The following PRKCSH variants were observed in gnomAD, a reference collection of about 807,000 sequenced individuals.
PRKCSH encodes PRKCSH beta subunit of glucosidase II.
PRKCSH carries 42 observed loss-of-function variants against 79.7 expected under a neutral mutation model. That is an observed-to-expected ratio of 0.53 (90% CI 0.41 to 0.68). The LOEUF is 0.68. Among genes scored for constraint, PRKCSH ranks in the 30% least tolerant of loss-of-function variants. The pLI is 0.00. For synonymous variants in PRKCSH, 325 were observed against 288.2 expected (o/e 1.13, Z -1.29); for missense variants, 686 against 709.0 (o/e 0.97, Z 0.37).
chr19:11,446,268 G>A lies in PRKCSH; in HGVS notation c.684-4G>A, dbSNP rs781248424. On this transcript the variant is annotated splice_region_variant and splice_polypyrimidine_tract_variant and intron_variant, in intron 8 of 17. Transcript: ENST00000677123. Reference sequence around the variant, plus strand: ...TCCAGTCTGCTTCTGCCACGCCCCCGCAGGGTCTCGGTGACTGAGCTGCAG... The same window carrying A: ...TCCAGTCTGCTTCTGCCACGCCCCCACAGGGTCTCGGTGACTGAGCTGCAG... The A allele has an allele frequency of 5.0e-6, 8 of 1,613,158 alleles. No homozygotes were observed. Among genetic ancestry groups the A allele is most frequent in the East Asian group, 4.5e-5 (2 of 44,880 alleles).
intron 5 of PRKCSH, among the ~76,000 whole-genome samples, chr19:11,438,874 C>T (rs1314142190): frequency 6.6e-6 from 1 of 151,506 alleles, no homozygotes; most frequent in African/African-American, 2.4e-5. Context: ...GCCAGCTGAT[C>T]CTTTTGTAGT....
chr19:11,437,534 G>A (rs775759793), intron 3 of PRKCSH, among the ~76,000 whole-genome samples: 3 of 151,182 alleles, frequency 2.0e-5, no homozygotes, highest in Non-Finnish European at 4.4e-5. Context: ...CGTATTTTTA[G>A]TAGAGATGGA....
Position 11,436,492 on chromosome 19 carries a change from C to T in PRKCSH, c.183C>T (p.Gly61=), listed in dbSNP as rs757538346. 6.2e-7 allele frequency: 1 copy of T among 1,613,006 alleles called. No individual in the cohort carries two copies. The change falls in exon 3 of 18, where the codon GGC becomes GGT. Residue 61 remains glycine (G), a synonymous_variant. Transcript: ENST00000677123. ...VNDDYCDCKD[G]SDEPGTAACP... is the part of the protein sequence containing the mutation. ...ATGACTATTGCGACTGCAAAGATGGCTCTGACGAGCCAGGTGAGCCTTTTC... is the reference window on the plus strand; with the variant it reads ...ATGACTATTGCGACTGCAAAGATGGTTCTGACGAGCCAGGTGAGCCTTTTC...
At chr19:11,436,290 T>C (rs752697160) in intron 2 of PRKCSH, 94 bp downstream of exon 2, 2 of 1,583,028 alleles carry the variant, frequency 1.3e-6, no homozygotes, top group Non-Finnish European at 8.7e-7. Context: ...TTGACTCAGT[T>C]TCCCGGTAGT....
Position 11,447,451 on chromosome 19 carries a change from G to A in PRKCSH, c.862G>A (p.Asp288Asn), listed in dbSNP as rs144616910. 6.1e-5 allele frequency: 98 copies of A among 1,613,754 alleles called. No individual in the cohort carries two copies. In the African/African-American group the frequency reaches 7.7e-4, roughly 13 times the overall value. ...DKYRSEALPT[D>N]LPAPSAPDLT... ...GCTCACCCGCCAGGCACTGCCCACC[G>A]ACCTTCCAGCACCTTCTGCCCCTGA... Residue 288 changes from aspartate (D) to asparagine (N), a missense_variant, in exon 11 of 18, where the codon GAC becomes AAC. This residue lies in a region of PRKCSH where 549 missense variants were observed against 520.2 expected (regional missense o/e 1.06). Coordinates refer to ENST00000677123, the MANE Select transcript of PRKCSH (RefSeq NM_001289104.2). The surrounding 1 kb of genome is among the most constrained non-coding windows in gnomAD (Gnocchi z 5.6).
In PRKCSH at chr19:11,448,721, C is replaced by A; in HGVS notation, c.1286+92C>A. ...CGGCAGTTTCCTGATGGTTGGGGAA[C>A]CATCTGCGGGTGGGGCCCGAGAGTG... is the stretch of plus-strand genomic sequence containing the variant. On this transcript the variant is annotated intron_variant, in intron 14 of 17. Transcript: ENST00000677123. This position sits in a 1 kb window ranked among gnomAD's most constrained non-coding sequence, Gnocchi z 4.4. 8.5e-6 allele frequency: 12 copies of A among 1,410,062 alleles called. No individual in the cohort carries two copies. The highest frequency in any genetic ancestry group is 1.2e-5 in the Non-Finnish European group (12 of 997,918). The allele number at this position is 1,410,062 out of a possible 1,614,324, so 87.3% of individuals were successfully genotyped here.
At position 11,447,567 on chromosome 19, in the gene PRKCSH, TGAA is replaced by T. The variant is rs759629505; in HGVS notation, c.984_986del (p.Glu333del). 33 of 1,594,608 alleles carry T rather than the reference TGAA, an allele frequency of 2.1e-5. No homozygotes were observed. Among genetic ancestry groups the T allele is most frequent in the African/African-American group, 4.1e-5 (3 of 73,174 alleles). ...AGGAGGAGGAGGAGGAAGAAGAGGCTGAAGAAGAGGAGGAGGAGGAGGATTCCG... is the reference window on the plus strand; with the variant it reads ...AGGAGGAGGAGGAGGAAGAAGAGGCTGAAGAGGAGGAGGAGGAGGATTCCG... On this transcript the variant is annotated inframe_deletion, in exon 11 of 18. Coordinates refer to ENST00000677123, the MANE Select transcript of PRKCSH (RefSeq NM_001289104.2). This position sits in a 1 kb window ranked among gnomAD's most constrained non-coding sequence, Gnocchi z 5.6.
intron 8 of PRKCSH, chr19:11,445,747 G>C (rs2144838824): frequency 3.7e-6 from 2 of 533,590 alleles, no homozygotes; most frequent in East Asian, 6.6e-5. Flanking sequence ...TGATCGGATG[G>C]CTTTTCCCAG....
Position 11,442,527 on chromosome 19 carries a change from AT to A in PRKCSH, c.598+13del, listed in dbSNP as rs771697004. 1.8e-5 allele frequency: 29 copies of A among 1,608,732 alleles called. No homozygotes were observed. The highest frequency in any genetic ancestry group is 2.7e-5 in the African/African-American group (2 of 74,746). ...GAAGCTGTGGGAAGGTATGGCAGAAATGGCCAAGGACTCACCTTCAGTCCTG... is the reference window on the plus strand; with the variant it reads ...GAAGCTGTGGGAAGGTATGGCAGAAAGGCCAAGGACTCACCTTCAGTCCTG... On this transcript the variant is annotated intron_variant, in intron 7 of 17. Transcript: ENST00000677123.
chr19:11,446,297 C>T lies in PRKCSH; in HGVS notation c.709C>T (p.His237Tyr). Residue 237 changes from histidine to tyrosine, a missense_variant, in exon 9 of 18, where the codon CAC becomes TAC. By Grantham distance (83) the His-to-Tyr change is moderately conservative. This residue lies in a region of PRKCSH where 549 missense variants were observed against 520.2 expected (regional missense o/e 1.06). Transcript: ENST00000677123. ...GGTCTCGGTGACTGAGCTGCAGACT[C>T]ACCCGGAGCTGGACACAGATGGGGA... The part of the protein sequence containing the change: ...GTVSVTELQT[H>Y]PELDTDGDGA... The T allele has an allele frequency of 1.2e-6, 2 of 1,613,852 alleles. No individual in the cohort carries two copies. The highest frequency in any genetic ancestry group is 1.7e-6 in the Non-Finnish European group (2 of 1,179,824).
At chr19:11,444,617 A>G (rs1017523843) in intron 7 of PRKCSH, among the ~76,000 whole-genome samples, 14 of 152,316 alleles carry the variant, frequency 9.2e-5, no homozygotes, top group African/African-American at 3.1e-4. Context: ...GAATCCTGGT[A>G]TACAGTAGGA....
At chr19:11,439,229 G>A (rs1335817172) in intron 5 of PRKCSH, among the ~76,000 whole-genome samples, 4 of 152,064 alleles carry the variant, frequency 2.6e-5, no homozygotes, top group African/African-American at 4.8e-5. Context: ...TGAGAGATAC[G>A]CCTCCCTTAA....
chr19:11,442,540 C>A, intron 7 of PRKCSH, 25 bp downstream of exon 7: 2 of 1,606,342 alleles, frequency 1.2e-6, no homozygotes, highest in African/African-American at 2.7e-5. Flanking sequence ...GCCAAGGACT[C>A]ACCTTCAGTC....
At chr19:11,441,146 G>A in intron 5 of PRKCSH, 94 bp from the exon 6 acceptor site, 2 of 1,229,022 alleles carry the variant, frequency 1.6e-6, no homozygotes, top group Admixed American at 1.7e-5. Context: ...TGGCTTGGTG[G>A]GGGGCCACAG....
chr19:11,448,628 G>A lies in PRKCSH; in HGVS notation c.1285G>A (p.Glu429Lys), dbSNP rs1970439370. Residue 429 changes from glutamate to lysine, a missense_variant and splice_region_variant, in exon 14 of 18, where the codon GAA becomes AAA. Physicochemically the swap from Glu to Lys is moderately conservative, Grantham distance 56. This residue lies in a region of PRKCSH where 137 missense variants were observed against 188.8 expected (regional missense o/e 0.73). Coordinates refer to ENST00000677123, the MANE Select transcript of PRKCSH (RefSeq NM_001289104.2). This position sits in a 1 kb window ranked among gnomAD's most constrained non-coding sequence, Gnocchi z 4.4. ...YSQCYELTTN[E>K]YVYRLCPFKL... ...CCAGTGCTACGAGCTCACCACCAAC[G>A]AGTGCGTCCCAGGAATGCAGGGGCC... The A allele has an allele frequency of 2.5e-6, 4 of 1,613,888 alleles. No homozygotes were observed. Among genetic ancestry groups the A allele is most frequent in the Non-Finnish European group, 3.4e-6 (4 of 1,179,754 alleles).
At chr19:11,437,773 T>G in intron 3 of PRKCSH, 103 bp from the exon 4 acceptor site, 2 of 1,002,670 alleles carry the variant, frequency 2.0e-6, no homozygotes, top group Admixed American at 3.4e-5. Flanking sequence ...TTTCCTTTCT[T>G]GTGCTGTGTG....
At chr19:11,443,937 G>A (rs1244608791) in intron 7 of PRKCSH, among the ~76,000 whole-genome samples, 4 of 152,016 alleles carry the variant, frequency 2.6e-5, no homozygotes, top group Non-Finnish European at 1.5e-5. Context: ...CACCACAGCC[G>A]GCTAATTTTT....
chr19:11,443,376 C>T (rs1288293385), intron 7 of PRKCSH, among the ~76,000 whole-genome samples: 1 of 151,900 alleles, frequency 6.6e-6, no homozygotes, highest in Non-Finnish European at 1.5e-5. Flanking sequence ...TGAAACCCAT[C>T]TCTACTAAAA....
At chr19:11,439,831 G>A (rs2144816003) in intron 5 of PRKCSH, among the ~76,000 whole-genome samples, 1 of 151,554 alleles carries the variant, frequency 6.6e-6, no homozygotes, top group East Asian at 2.0e-4. Flanking sequence ...ATATTGGCCA[G>A]GCTGGTCTCG....
Sources: gnomAD v4.1 joint callset for allele counts (sites outside exome capture counted in the v4.1 genomes callset) on GRCh38, gnomAD v4.1.1 for gene constraint, gnomAD v4.1.1 regional missense constraint, Gnocchi (gnomAD v3.1) non-coding constraint, MANE v1.5 for transcripts, NCBI Gene and HGNC (gene_info 2026-07-23, HGNC 2026-07-21) for gene names.